TEAD1: variants seen among roughly 807,000 people sequenced by gnomAD.
TEAD1 encodes transcriptional enhancer factor TEF-1.
Under a neutral mutation model 54.9 loss-of-function variants are expected in TEAD1, and 9 were observed. The ratio of observed to expected loss-of-function variants is 0.16; its 90% confidence interval spans 0.10 to 0.29. The LOEUF is 0.29. TEAD1 is among the 10% of genes least tolerant of loss of function. TEAD1 has a pLI of 1.00. For synonymous variants in TEAD1, 200 were observed against 187.8 expected (o/e 1.07, Z -0.53); for missense variants, 387 against 535.9 (o/e 0.72, Z 2.74).
chr11:12,855,299 C>T lies in TEAD1; in HGVS notation c.203-6951C>T, dbSNP rs554713964. On this transcript the variant is annotated intron_variant, in intron 3 of 12. Transcript: ENST00000527636. ...TTTCTTTTTTCTTTCTTTCTTTTTT[C>T]TTTTTTGTTGAGACGGAGTCTCGCT... is the stretch of plus-strand genomic sequence containing the variant. Among the ~76,000 whole-genome samples the T allele has an allele frequency of 5.4e-4, 80 of 146,902 alleles. 2 individuals carry two copies. In the South Asian group the frequency reaches 0.015, roughly 27 times the overall value.
At chr11:12,845,885 C>T (rs1326876434) in intron 3 of TEAD1, among the ~76,000 whole-genome samples, 2 of 152,232 alleles carry the variant, frequency 1.3e-5, no homozygotes, top group African/African-American at 4.8e-5. Context: ...GTTTGCTCAG[C>T]ATACCACACA....
intron 11 of TEAD1, among the ~76,000 whole-genome samples, chr11:12,928,283 CTTTT>C (rs35934347): frequency 3.0e-5 from 4 of 135,498 alleles, no homozygotes; most frequent in African/African-American, 1.1e-4. Context: ...TTTTCTTTTC[CTTTT>C]TTTTTTTTTT....
intron 4 of TEAD1, among the ~76,000 whole-genome samples, chr11:12,864,197 C>T (rs1947565847): frequency 6.6e-6 from 1 of 152,114 alleles, no homozygotes; most frequent in Admixed American, 6.6e-5. Flanking sequence ...CAGAATACAA[C>T]CAACAGCTTC....
intron 2 of TEAD1, among the ~76,000 whole-genome samples, chr11:12,681,875 C>T (rs1318194302): frequency 1.3e-5 from 2 of 152,252 alleles, no homozygotes; most frequent in Non-Finnish European, 2.9e-5. Context: ...ACATGGCTAA[C>T]TCAGGATGGT....
At chr11:12,866,095 C>T (rs971641108) in intron 5 of TEAD1, among the ~76,000 whole-genome samples, 9 of 152,172 alleles carry the variant, frequency 5.9e-5, no homozygotes, top group African/African-American at 1.7e-4. Context: ...CTCGCTCGCA[C>T]GTGTGGCTGA....
In TEAD1 at chr11:12,763,435, A is replaced by G. The variant is rs117537986; in HGVS notation, c.-54-744A>G. ...TGGGGACAGCTTGGTCCCTACTTCAAGGTTACAGTCTAGGAGCTGAGAGTG... is the reference window on the plus strand; with the variant it reads ...TGGGGACAGCTTGGTCCCTACTTCAGGGTTACAGTCTAGGAGCTGAGAGTG... On this transcript the variant is annotated intron_variant, in intron 2 of 12. Transcript: ENST00000527636. Among the ~76,000 whole-genome samples, 1,244 of 152,322 alleles carry G rather than the reference A, an allele frequency of 8.2e-3. 22 individuals are homozygous for G. The highest frequency in any genetic ancestry group is 0.028 in the African/African-American group (1,147 of 41,576).
chr11:12,851,176 TA>T (rs966549495), intron 3 of TEAD1: 33 of 818,076 alleles, frequency 4.0e-5, no homozygotes, highest in East Asian at 1.2e-4. Context: ...CGTGGAATCT[TA>T]AAAAAAAGTC....
intron 2 of TEAD1, among the ~76,000 whole-genome samples, chr11:12,702,214 T>C (rs1004977906): frequency 6.6e-6 from 1 of 152,198 alleles, no homozygotes; most frequent in African/African-American, 2.4e-5. Context: ...CTTGGTGCCA[T>C]GGCAGGCTCA....
intron 2 of TEAD1, among the ~76,000 whole-genome samples, chr11:12,676,317 T>C (rs1943086846): frequency 1.3e-5 from 2 of 152,228 alleles, no homozygotes; most frequent in Admixed American, 1.3e-4. Flanking sequence ...AATGGTTACC[T>C]GAGTAGACAT....
intron 2 of TEAD1, among the ~76,000 whole-genome samples, chr11:12,722,375 G>T (rs893784426): frequency 2.6e-5 from 4 of 152,142 alleles, no homozygotes; most frequent in Admixed American, 6.5e-5. Flanking sequence ...TGAGCCAGGT[G>T]CTTCTACACT....
At chr11:12,795,858 A>G (rs192047402) in intron 3 of TEAD1, among the ~76,000 whole-genome samples, 3 of 152,320 alleles carry the variant, frequency 2.0e-5, no homozygotes, top group Admixed American at 6.5e-5. Flanking sequence ...GACAAAACAC[A>G]AATAACAGTG....
chr11:12,817,397 C>T (rs1298323856), intron 3 of TEAD1, among the ~76,000 whole-genome samples: 1 of 152,122 alleles, frequency 6.6e-6, no homozygotes, highest in East Asian at 1.9e-4. Flanking sequence ...CTGGCATGTA[C>T]CTAATTCCCA....
chr11:12,740,090 CTG>C (rs1434285821), intron 2 of TEAD1, among the ~76,000 whole-genome samples: 2 of 152,146 alleles, frequency 1.3e-5, no homozygotes, highest in African/African-American at 4.8e-5. Flanking sequence ...GGAGTCTTGT[CTG>C]TACACATAGG....
chr11:12,685,844 T>C (rs1474644398), intron 2 of TEAD1, among the ~76,000 whole-genome samples: 2 of 152,184 alleles, frequency 1.3e-5, no homozygotes, highest in East Asian at 1.9e-4. Flanking sequence ...AAATCAGTCA[T>C]TGAATCTGAT....
chr11:12,843,770 A>G (rs1341000470), intron 3 of TEAD1, among the ~76,000 whole-genome samples: 1 of 152,266 alleles, frequency 6.6e-6, no homozygotes, highest in Non-Finnish European at 1.5e-5. Flanking sequence ...ATGTCTTGCC[A>G]GCCATAATTG....
intron 9 of TEAD1, among the ~76,000 whole-genome samples, chr11:12,892,505 A>C (rs113396283): frequency 0.11 from 16,892 of 152,154 alleles, 1,093 homozygotes; most frequent in South Asian, 0.24. Flanking sequence ...TTAGCTGGGC[A>C]TGATGGTGGG....
chr11:12,682,538 A>G (rs957676569), intron 2 of TEAD1, among the ~76,000 whole-genome samples: 1 of 152,092 alleles, frequency 6.6e-6, no homozygotes, highest in Non-Finnish European at 1.5e-5. Flanking sequence ...GAGGGGTAGG[A>G]AGGGTAATCC....
At chr11:12,911,477 A>G (rs914286232) in intron 10 of TEAD1, among the ~76,000 whole-genome samples, 3 of 152,220 alleles carry the variant, frequency 2.0e-5, no homozygotes, top group African/African-American at 7.2e-5. Flanking sequence ...GCTATCAGGA[A>G]GGAGGGGCCT....
At position 12,924,965 on chromosome 11, in the gene TEAD1, C is replaced by G. The variant is rs749017136; in HGVS notation, c.927C>G (p.Thr309=). Residue 309 remains threonine (T), a synonymous_variant, in exon 11 of 13, where the codon ACC becomes ACG. Transcript: ENST00000527636. ...ATGCTGGGGCTTTTTATGGTGTAAC[C>G]AGTCAGTACGAGAGTTCTGAAAATA... 1 of 1,614,096 alleles carries G rather than the reference C, an allele frequency of 6.2e-7. No homozygotes were observed. Among genetic ancestry groups the G allele is most frequent in the Non-Finnish European group, 8.5e-7 (1 of 1,179,994 alleles).
Sources: allele counts gnomAD v4.1 joint callset (sites outside exome capture counted in the v4.1 genomes callset), GRCh38; gene constraint gnomAD v4.1.1; transcripts MANE v1.5; gene names NCBI Gene and HGNC (gene_info 2026-07-23, HGNC 2026-07-21).